The following NRG1 variants were observed in gnomAD, a reference collection of about 807,000 sequenced individuals.
NRG1 encodes pro-neuregulin-1, membrane-bound isoform.
Under a neutral mutation model 63.8 loss-of-function variants are expected in NRG1, and 18 were observed. That is an observed-to-expected ratio of 0.28 (90% CI 0.19 to 0.42). The LOEUF (loss-of-function observed/expected upper bound fraction) is 0.42. Among genes scored for constraint, NRG1 ranks in the 10% least tolerant of loss-of-function variants. NRG1 has a pLI of 1.00. For synonymous variants in NRG1, 302 were observed against 301.3 expected, an observed-to-expected ratio of 1.00 and a Z score of -0.02; for missense variants, 762 against 814.7, an observed-to-expected ratio of 0.94 and a Z score of 0.79.
At position 32,648,125 on chromosome 8, in the gene NRG1, G is replaced by T. The variant is rs192228210; in HGVS notation, c.502+31240G>T. The T allele has an allele frequency of 1.9e-6, 3 of 1,614,104 alleles. No homozygotes were observed. In the East Asian group the frequency reaches 6.7e-5, roughly 36 times the overall value. ...CTGCTGCCTCAGCTGTGTGGGTGTC[G>T]TCTGAGGCATACACTTCACCTGTCT... On this transcript the variant is annotated intron_variant, in intron 5 of 11. Coordinates refer to ENST00000356819, the Ensembl canonical transcript of NRG1.
intron 1 of NRG1, among the ~76,000 whole-genome samples, chr8:31,984,921 T>C (rs1160395722): frequency 6.6e-6 from 1 of 152,106 alleles, no homozygotes; most frequent in Non-Finnish European, 1.5e-5. Flanking sequence ...GCATTTGCAC[T>C]GGGGGTCGTT....
intron 11 of NRG1, among the ~76,000 whole-genome samples, chr8:32,761,622 A>T (rs1278423640): frequency 6.9e-6 from 1 of 143,954 alleles, no homozygotes; most frequent in African/African-American, 2.7e-5. Context: ...TTGTCATCTT[A>T]GTCTAATCCT....
At chr8:32,237,871 G>GT (rs1286861900) in intron 1 of NRG1, among the ~76,000 whole-genome samples, 2 of 152,010 alleles carry the variant, frequency 1.3e-5, no homozygotes, top group Non-Finnish European at 2.9e-5. Context: ...ACTTCCATGA[G>GT]TTTTTCCTCC....
Position 32,763,734 on chromosome 8 carries a change from C to T in NRG1, c.1260-14C>T. 2.6e-6 allele frequency: 4 copies of T among 1,528,932 alleles called. No individual in the cohort carries two copies. Among genetic ancestry groups the T allele is most frequent in the Non-Finnish European group, 3.5e-6 (4 of 1,139,264 alleles). The allele number at this position is 1,528,932 out of a possible 1,614,324, so 94.7% of individuals were successfully genotyped here. On this transcript the variant is annotated splice_polypyrimidine_tract_variant and intron_variant, in intron 11 of 11. Transcript: ENST00000356819. Reference sequence around the variant, plus strand: ...TTGCACCACACTTATGCAGGGTATTCTGTGCTCACACAGGTATGTGTCAGC... The same window carrying T: ...TTGCACCACACTTATGCAGGGTATTTTGTGCTCACACAGGTATGTGTCAGC...
chr8:32,621,287 C>T (rs913705086), intron 5 of NRG1, among the ~76,000 whole-genome samples: 9 of 152,036 alleles, frequency 5.9e-5, no homozygotes, highest in African/African-American at 2.2e-4. Context: ...GTAAATGAGG[C>T]ATCTGTGACT....
intron 1 of NRG1, among the ~76,000 whole-genome samples, chr8:32,003,030 A>C (rs1487786018): frequency 6.6e-6 from 1 of 152,094 alleles, no homozygotes; most frequent in Admixed American, 6.6e-5. Flanking sequence ...TAGGAAAGAC[A>C]CTTTATCAAC....
intron 1 of NRG1, among the ~76,000 whole-genome samples, chr8:32,371,991 C>CCTT (rs1289943893): frequency 1.6e-5 from 1 of 64,102 alleles, no homozygotes; most frequent in African/African-American, 5.4e-5. Flanking sequence ...TCTTCTTCTT[C>CCTT]ATTTTTTTTT....
chr8:31,721,169 T>G (rs1812879010), intron 1 of NRG1, among the ~76,000 whole-genome samples: 1 of 152,138 alleles, frequency 6.6e-6, no homozygotes, highest in Non-Finnish European at 1.5e-5. Context: ...TGCCAATTTT[T>G]TTTTCTTGAA....
At chr8:32,313,359 A>G (rs1857032882) in intron 1 of NRG1, among the ~76,000 whole-genome samples, 1 of 152,096 alleles carries the variant, frequency 6.6e-6, no homozygotes, top group Non-Finnish European at 1.5e-5. Flanking sequence ...GTTTGCCACT[A>G]CTCAGCTGTC....
At chr8:31,715,437 A>C (rs1812258940) in intron 1 of NRG1, among the ~76,000 whole-genome samples, 1 of 152,184 alleles carries the variant, frequency 6.6e-6, no homozygotes, top group South Asian at 2.1e-4. Flanking sequence ...TCAAGTTTTT[A>C]ATAAAAGTAC....
At chr8:32,223,340 G>A (rs1586195659) in intron 1 of NRG1, among the ~76,000 whole-genome samples, 1 of 152,264 alleles carries the variant, frequency 6.6e-6, no homozygotes, top group South Asian at 2.1e-4. Context: ...GCATTGCAAA[G>A]GTGTAATACT....
rs1192942956 is a variant in NRG1, at chr8:32,104,855, C to G, written c.37+465424C>G. ...AAGCTGTCATCTCCTATAACAATGC[C>G]TTCTTCTGGAATTCCTCCTGAAGGA... On this transcript the variant is annotated intron_variant, in intron 1 of 10. Coordinates refer to the NRG1 transcript ENST00000519301. 2.0e-5 allele frequency among the ~76,000 whole-genome samples: 3 copies of G among 151,984 alleles called. No individual in the cohort carries two copies. The East Asian group carries it at 5.8e-4, about 29-fold the overall frequency.
intron 5 of NRG1, among the ~76,000 whole-genome samples, chr8:32,712,146 C>T (rs1183136270): frequency 6.6e-6 from 1 of 152,132 alleles, no homozygotes; most frequent in Non-Finnish European, 1.5e-5. Context: ...ATTTTCTAGA[C>T]ATCAATTCTA....
chr8:31,699,778 AC>A (rs1182914498), intron 1 of NRG1, among the ~76,000 whole-genome samples: 1 of 152,154 alleles, frequency 6.6e-6, no homozygotes. Flanking sequence ...TCAGGCAGAA[AC>A]ATACAATTCT....
At chr8:31,678,135 T>C (rs1018765649) in intron 1 of NRG1, among the ~76,000 whole-genome samples, 3 of 152,002 alleles carry the variant, frequency 2.0e-5, no homozygotes, top group Non-Finnish European at 4.4e-5. Context: ...CTTTGAATTA[T>C]GTCATGAATT....
At position 31,770,555 on chromosome 8, in the gene NRG1, G is replaced by T. The variant is rs57472718; in HGVS notation, c.37+131124G>T. Among the ~76,000 whole-genome samples, 1,123 of 151,154 alleles carry T rather than the reference G, an allele frequency of 7.4e-3. 40 individuals carry two copies. In the East Asian group the frequency reaches 0.12, roughly 16 times the overall value. ...CACCGCATGTTCTCACTCATAGGTG[G>T]GAATTGAACAATGAGAACACTTGGA... On this transcript the variant is annotated intron_variant, in intron 1 of 10. Transcript: ENST00000519301.
chr8:32,173,404 C>T (rs1840306334), intron 1 of NRG1, among the ~76,000 whole-genome samples: 1 of 152,158 alleles, frequency 6.6e-6, no homozygotes, highest in African/African-American at 2.4e-5. Flanking sequence ...TTGTAAAGAC[C>T]ATCAAAGCTA....
intron 1 of NRG1, among the ~76,000 whole-genome samples, chr8:32,167,946 C>T (rs1839574968): frequency 1.3e-5 from 2 of 152,164 alleles, no homozygotes; most frequent in South Asian, 2.1e-4. Flanking sequence ...CAGCTTGCCC[C>T]TCCCTCTGGA....
intron 1 of NRG1, among the ~76,000 whole-genome samples, chr8:32,085,663 A>G (rs1828102893): frequency 6.6e-6 from 1 of 152,214 alleles, no homozygotes. Context: ...TTTATTGTAC[A>G]TATGATGGTG....
Sources: allele counts gnomAD v4.1 joint callset (sites outside exome capture counted in the v4.1 genomes callset), GRCh38; gene constraint gnomAD v4.1.1; transcripts MANE v1.5; gene names NCBI Gene and HGNC (gene_info 2026-07-23, HGNC 2026-07-21).